The following WWOX variants were observed in gnomAD, a reference collection of about 807,000 sequenced individuals.
WWOX encodes the protein WW domain-containing oxidoreductase.
In WWOX, 69 loss-of-function variants were observed where a neutral mutation model predicts 46.2. The ratio of observed to expected loss-of-function variants is 1.49; its 90% CI spans 1.23 to 1.82. The LOEUF (loss-of-function observed/expected upper bound fraction) is 1.82, where lower values mean the gene tolerates loss of function less well. WWOX is among the 40% of genes most tolerant of loss of function. The pLI is 0.00. For synonymous variants in WWOX, 359 were observed against 202.6 expected, an observed-to-expected ratio of 1.77 and a Z score of -6.56; for missense variants, 919 against 542.6, an observed-to-expected ratio of 1.69 and a Z score of -6.89.
chr16:78,280,111 C>A (rs1014634684), intron 5 of WWOX, among the ~76,000 whole-genome samples: 1 of 152,222 alleles, frequency 6.6e-6, no homozygotes, highest in Admixed American at 6.5e-5. Context: ...AGGCTCTACC[C>A]AACTGGGGGA....
chr16:78,411,270 A>G (rs140030401), intron 6 of WWOX, among the ~76,000 whole-genome samples: 10 of 152,252 alleles, frequency 6.6e-5, no homozygotes, highest in Middle Eastern at 3.4e-3. Flanking sequence ...ATGTTATTCT[A>G]TCCATTAGTA....
chr16:78,169,424 C>G (rs957290058), intron 5 of WWOX, among the ~76,000 whole-genome samples: 1 of 151,668 alleles, frequency 6.6e-6, no homozygotes, highest in Non-Finnish European at 1.5e-5. Flanking sequence ...TGCTTTATTT[C>G]TCGGGGTCTG....
intron 8 of WWOX, among the ~76,000 whole-genome samples, chr16:78,869,176 G>A: frequency 6.6e-6 from 1 of 152,136 alleles, no homozygotes. Flanking sequence ...TCAACCATCA[G>A]CTGACTTATT....
chr16:78,757,425 C>T (rs563145435), intron 8 of WWOX, among the ~76,000 whole-genome samples: 5 of 152,254 alleles, frequency 3.3e-5, no homozygotes, highest in South Asian at 4.1e-4. Context: ...TGCTTCTGTA[C>T]CTCTTGCCTC....
At chr16:78,423,844 A>C (rs9922365) in intron 6 of WWOX, among the ~76,000 whole-genome samples, 7,020 of 112,360 alleles carry the variant, frequency 0.062, 179 homozygotes, top group African/African-American at 0.098. Context: ...AGATCTTGTC[A>C]AAAAAAAAAA....
intron 8 of WWOX, among the ~76,000 whole-genome samples, chr16:79,059,793 C>T (rs190231940): frequency 2.0e-5 from 3 of 152,316 alleles, no homozygotes; most frequent in Admixed American, 2.0e-4. Context: ...TGCTAATTAT[C>T]CTACCACGTG....
At chr16:79,157,163 G>A (rs550763729) in intron 8 of WWOX, among the ~76,000 whole-genome samples, 1 of 152,332 alleles carries the variant, frequency 6.6e-6, no homozygotes, top group Admixed American at 6.5e-5. Flanking sequence ...AAGAGAAAAA[G>A]TGAGCAAGAA....
intron 8 of WWOX, among the ~76,000 whole-genome samples, chr16:79,097,680 T>A (rs994571695): frequency 6.6e-6 from 1 of 152,154 alleles, no homozygotes; most frequent in African/African-American, 2.4e-5. Flanking sequence ...CGCTGTGCAA[T>A]TTAATTCTGT....
intron 8 of WWOX, among the ~76,000 whole-genome samples, chr16:78,537,813 G>A (rs1402453065): frequency 6.6e-6 from 1 of 152,062 alleles, no homozygotes; most frequent in African/African-American, 2.4e-5. Flanking sequence ...TGTGCTGGGA[G>A]GGCCAGAACG....
At chr16:78,445,932 G>A (rs995798889) in intron 8 of WWOX, among the ~76,000 whole-genome samples, 4 of 152,116 alleles carry the variant, frequency 2.6e-5, no homozygotes, top group South Asian at 2.1e-4. Context: ...CTTTACTTAC[G>A]TTTTTGATGA....
In WWOX at chr16:78,347,215, C is replaced by T. The variant is rs1455479024; in HGVS notation, c.517-39645C>T. ...ATCTCCTTCCCCCGCCCCCTCCATTCTCTTTCCATCCTTTAAATGTCAGTG... is the reference window on the plus strand; with the variant it reads ...ATCTCCTTCCCCCGCCCCCTCCATTTTCTTTCCATCCTTTAAATGTCAGTG... On this transcript the variant is annotated intron_variant, in intron 5 of 8. Transcript: ENST00000566780. 2.6e-5 allele frequency among the ~76,000 whole-genome samples: 3 copies of T among 115,586 alleles called. 1 individual carries two copies. The highest frequency in any genetic ancestry group is 8.9e-5 in the African/African-American group (3 of 33,852). The allele number at this position is 115,586 out of a possible 152,430, so 75.8% of individuals were successfully genotyped here.
chr16:78,502,520 A>G (rs572685902), intron 8 of WWOX, among the ~76,000 whole-genome samples: 3 of 152,240 alleles, frequency 2.0e-5, no homozygotes, highest in African/African-American at 7.2e-5. Context: ...CCAGTTCATC[A>G]TTTCTTTTTG....
chr16:78,855,960 G>C (rs974464139), intron 8 of WWOX, among the ~76,000 whole-genome samples: 1 of 152,156 alleles, frequency 6.6e-6, no homozygotes, highest in African/African-American at 2.4e-5. Flanking sequence ...GTTTTGTACG[G>C]AAAAAGTCGG....
intron 5 of WWOX, among the ~76,000 whole-genome samples, chr16:78,208,136 T>G (rs1205416794): frequency 1.3e-5 from 2 of 152,246 alleles, no homozygotes; most frequent in African/African-American, 2.4e-5. Context: ...TCTGGCTAGC[T>G]TGATCATATG....
chr16:78,864,302 T>C (rs866295972), intron 8 of WWOX, among the ~76,000 whole-genome samples: 70 of 151,956 alleles, frequency 4.6e-4, no homozygotes, highest in African/African-American at 1.7e-3. Flanking sequence ...AATCTTGCTC[T>C]GTTGCCCAGG....
intron 8 of WWOX, among the ~76,000 whole-genome samples, chr16:78,732,307 C>T (rs188543181): frequency 2.6e-5 from 4 of 152,202 alleles, no homozygotes; most frequent in Admixed American, 2.6e-4. Context: ...TGCTTACCCT[C>T]AAAATTTGGC....
At chr16:79,042,038 A>G (rs888193991) in intron 8 of WWOX, among the ~76,000 whole-genome samples, 3 of 152,086 alleles carry the variant, frequency 2.0e-5, no homozygotes, top group African/African-American at 7.2e-5. Context: ...TTTATGTTCC[A>G]CAAATTTTGG....
chr16:78,629,895 G>T (rs1316187004), intron 8 of WWOX, among the ~76,000 whole-genome samples: 1 of 152,184 alleles, frequency 6.6e-6, no homozygotes, highest in Non-Finnish European at 1.5e-5. Flanking sequence ...CTAAGAAGTA[G>T]ATTTTTAGAA....
At chr16:78,116,973 C>T (rs2032829155) in intron 4 of WWOX, among the ~76,000 whole-genome samples, 1 of 152,174 alleles carries the variant, frequency 6.6e-6, no homozygotes, top group Non-Finnish European at 1.5e-5. Flanking sequence ...AGACCTGCGA[C>T]ATTGTAATCC....
Sources: allele counts gnomAD v4.1 joint callset (sites outside exome capture counted in the v4.1 genomes callset), GRCh38; gene constraint gnomAD v4.1.1; transcripts MANE v1.5; gene names NCBI Gene and HGNC (gene_info 2026-07-23, HGNC 2026-07-21).